Variants in TIMM9 observed in about 807,000 individuals in gnomAD.
The protein encoded by TIMM9 is translocase of inner mitochondrial membrane 9.
A neutral mutation model predicts 13.4 loss-of-function variants in TIMM9; 10 were observed. The ratio of observed to expected loss-of-function variants is 0.75; its 90% confidence interval spans 0.46 to 1.26. The LOEUF is 1.26. Ranked by LOEUF, TIMM9 falls within the 50% of genes most tolerant of loss-of-function variation. The pLI is 0.00. For missense variants in TIMM9, 87 were observed against 100.8 expected, an observed-to-expected ratio of 0.86 and a Z score of 0.58; for synonymous variants, 32 against 32.1, an observed-to-expected ratio of 1.00 and a Z score of 0.01.
At chr14:58,425,279 C>T (rs982529573) in intron 2 of TIMM9, among the ~76,000 whole-genome samples, 2 of 151,752 alleles carry the variant, frequency 1.3e-5, no homozygotes, top group East Asian at 1.9e-4. Context: ...GGCAGAGTGG[C>T]GGGTGCCTAT....
intron 3 of TIMM9, among the ~76,000 whole-genome samples, chr14:58,416,995 G>A (rs969921257): frequency 6.6e-6 from 1 of 152,074 alleles, no homozygotes; most frequent in African/African-American, 2.4e-5. Flanking sequence ...CTGGTGGGAG[G>A]TAATTGAATC....
chr14:58,412,153 T>C, intron 3 of TIMM9, 182 bp from the exon 4 acceptor site: 1 of 502,840 alleles, frequency 2.0e-6, no homozygotes, highest in East Asian at 3.4e-5. Flanking sequence ...AGATTTTCTT[T>C]TTTTTTTTGA....
intron 3 of TIMM9, among the ~76,000 whole-genome samples, chr14:58,422,115 CTT>C (rs762867153): frequency 2.4e-4 from 30 of 126,600 alleles, no homozygotes; most frequent in African/African-American, 2.6e-4. Flanking sequence ...AGTATGAAAT[CTT>C]TTTTTTTTTT....
intron 3 of TIMM9, among the ~76,000 whole-genome samples, chr14:58,415,684 C>T (rs968915215): frequency 3.3e-5 from 5 of 151,982 alleles, no homozygotes; most frequent in African/African-American, 1.2e-4. Flanking sequence ...GAATGAAAAA[C>T]ATTAACAGAG....
At chr14:58,419,388 G>C (rs1019464419) in intron 3 of TIMM9, among the ~76,000 whole-genome samples, 3 of 151,310 alleles carry the variant, frequency 2.0e-5, no homozygotes, top group African/African-American at 7.3e-5. Context: ...CTGGGAGGTA[G>C]AGGCTGCAGT....
chr14:58,412,601 A>C (rs1301995675), intron 3 of TIMM9, among the ~76,000 whole-genome samples: 3 of 152,082 alleles, frequency 2.0e-5, no homozygotes, highest in African/African-American at 7.2e-5. Context: ...GTTTGGGCTT[A>C]AAAAAATAAT....
intron 3 of TIMM9, among the ~76,000 whole-genome samples, chr14:58,416,620 C>T (rs2036417828): frequency 6.6e-6 from 1 of 152,212 alleles, no homozygotes; most frequent in Non-Finnish European, 1.5e-5. Context: ...GTACAATACA[C>T]TTCTCTTGAG....
intron 2 of TIMM9, among the ~76,000 whole-genome samples, chr14:58,424,764 G>C (rs995522983): frequency 3.3e-5 from 5 of 152,204 alleles, no homozygotes; most frequent in African/African-American, 1.2e-4. Flanking sequence ...CTACTCAGGA[G>C]GCTGAGGCAG....
At chr14:58,421,540 G>A (rs1342703544) in intron 3 of TIMM9, among the ~76,000 whole-genome samples, 2 of 152,038 alleles carry the variant, frequency 1.3e-5, no homozygotes, top group Non-Finnish European at 2.9e-5. Context: ...TTAATTGTTG[G>A]AAGTGTATTT....
chr14:58,421,679 G>C (rs113019314), intron 3 of TIMM9, among the ~76,000 whole-genome samples: 44 of 152,280 alleles, frequency 2.9e-4, no homozygotes, highest in African/African-American at 1.1e-3. Flanking sequence ...TTCCAAGCTA[G>C]AGTTCTTCTG....
Position 58,409,046 on chromosome 14 carries a change from G to T in TIMM9, c.258C>A (p.Gly86=). ...EALAAKAGLL[G]QPR ...CATCAGGACTTCTCTATCGTGGTTG[G>T]CCAAGGAGTCCTGCTTTGGCTGCCA... Residue 86 remains glycine, a synonymous_variant, in exon 6 of 6, where the codon GGC becomes GGA. Transcript: ENST00000395159. The T allele has an allele frequency of 6.2e-7, 1 of 1,613,046 alleles. No homozygotes were observed. The highest frequency in any genetic ancestry group is 8.5e-7 in the Non-Finnish European group (1 of 1,179,788).
At chr14:58,411,790 G>T in intron 4 of TIMM9, 117 bp downstream of exon 4, 1 of 875,964 alleles carries the variant, frequency 1.1e-6, no homozygotes, top group Non-Finnish European at 1.9e-6. Flanking sequence ...ACCCACCTGG[G>T]CCTCCCAACG....
intron 3 of TIMM9, among the ~76,000 whole-genome samples, chr14:58,422,745 A>G (rs904566809): frequency 1.3e-5 from 2 of 152,062 alleles, no homozygotes; most frequent in Admixed American, 6.6e-5. Flanking sequence ...TAACACTATG[A>G]TTTATTTTCT....
At position 58,424,079 on chromosome 14, in the gene TIMM9, T is replaced by A. The variant is rs964477584; in HGVS notation, c.-98A>T. 1.3e-5 allele frequency: 2 copies of A among 152,212 alleles called. No homozygotes were observed. The highest frequency in any genetic ancestry group is 4.8e-5 in the African/African-American group (2 of 41,466). The allele number at this position is 152,212 out of a possible 1,614,324, so 9.4% of individuals were successfully genotyped here. On this transcript the variant is annotated 5_prime_UTR_variant, in exon 3 of 6. Coordinates refer to ENST00000395159, the MANE Select transcript of TIMM9 (RefSeq NM_012460.4). Reference sequence around the variant, plus strand: ...CCAACCTTTGCTTGAATGTCTCCAATAAGGCCTGATTCTTACCTGAAAAAT... The same window carrying A: ...CCAACCTTTGCTTGAATGTCTCCAAAAAGGCCTGATTCTTACCTGAAAAAT...
chr14:58,420,365 A>G (rs2036551414), intron 3 of TIMM9, among the ~76,000 whole-genome samples: 1 of 152,212 alleles, frequency 6.6e-6, no homozygotes, highest in African/African-American at 2.4e-5. Context: ...CCCAGCAGTA[A>G]AAACACAAAC....
In TIMM9 at chr14:58,414,732, A is replaced by C. The variant is rs1323804022; in HGVS notation, c.-26-2761T>G. On this transcript the variant is annotated intron_variant, in intron 3 of 5. Coordinates refer to ENST00000395159, the MANE Select transcript of TIMM9 (RefSeq NM_012460.4). ...AGCCTGCACCGCATAGTGAGACGCCATCTCAAAAAAAAAAAAAAAGAAAAA... is the reference window on the plus strand; with the variant it reads ...AGCCTGCACCGCATAGTGAGACGCCCTCTCAAAAAAAAAAAAAAAGAAAAA... 1.4e-3 allele frequency among the ~76,000 whole-genome samples: 66 copies of C among 47,750 alleles called. 1 individual carries two copies. The highest frequency in any genetic ancestry group is 5.4e-4 in the Admixed American group (2 of 3,714). 31.3% of individuals were successfully genotyped at this position (47,750 alleles called of 152,430 possible).
At position 58,408,641 on chromosome 14, in the gene TIMM9, C is replaced by A; in HGVS notation, c.*393G>T. ...ATACTATGGTACCATACAGTATAAACAACTGCTCAGTGATATTTCCATTTA... is the reference window on the plus strand; with the variant it reads ...ATACTATGGTACCATACAGTATAAAAAACTGCTCAGTGATATTTCCATTTA... On this transcript the variant is annotated 3_prime_UTR_variant, in exon 6 of 6. Coordinates refer to ENST00000395159, the MANE Select transcript of TIMM9 (RefSeq NM_012460.4). The A allele has an allele frequency of 6.8e-7, 1 of 1,479,702 alleles. No individual in the cohort carries two copies. The highest frequency in any genetic ancestry group is 9.2e-7 in the Non-Finnish European group (1 of 1,082,346). The allele number at this position is 1,479,702 out of a possible 1,614,324, so 91.7% of individuals were successfully genotyped here. A position where few individuals can be genotyped will look rare whatever the true frequency, so the allele number is the denominator to read the frequency against.
At chr14:58,420,855 C>CAAAACAAA (rs939249892) in intron 3 of TIMM9, among the ~76,000 whole-genome samples, 2 of 130,168 alleles carry the variant, frequency 1.5e-5, no homozygotes, top group African/African-American at 5.7e-5. Context: ...AAAAACAAAA[C>CAAAACAAA]AAAACAAAAA....
In TIMM9 at chr14:58,408,600, CCA is replaced by C; in HGVS notation, c.*432_*433del. On this transcript the variant is annotated 3_prime_UTR_variant, in exon 6 of 6. Transcript: ENST00000395159. ...CTGATTGAAAAACATTTCAACGTAT[CCA>C]CAGTCCAGTGAGAATACTATGGTAC... 6.2e-7 allele frequency: 1 copy of C among 1,610,908 alleles called. No individual in the cohort carries two copies. Among genetic ancestry groups the C allele is most frequent in the East Asian group, 2.2e-5 (1 of 44,844 alleles).
Sources: allele counts gnomAD v4.1 joint callset (sites outside exome capture counted in the v4.1 genomes callset), GRCh38; gene constraint gnomAD v4.1.1; transcripts MANE v1.5; gene names NCBI Gene and HGNC (gene_info 2026-07-23, HGNC 2026-07-21).